Variants in SLC8A1 observed in about 807,000 individuals in gnomAD.
The protein encoded by SLC8A1 is solute carrier family 8 member A1, also known as sodium/calcium exchanger 1.
In SLC8A1, 18 loss-of-function variants were observed where a neutral mutation model predicts 68.3. The ratio of observed to expected loss-of-function variants is 0.26; its 90% confidence interval spans 0.18 to 0.39. The LOEUF (loss-of-function observed/expected upper bound fraction) is 0.39. Among genes scored for constraint, SLC8A1 ranks in the 10% least tolerant of loss-of-function variants. The pLI is 1.00. For missense variants in SLC8A1, 985 were observed against 1,156.7 expected (o/e 0.85, Z 2.15); for synonymous variants, 475 against 415.5 (o/e 1.14, Z -1.74).
exon 8 of SLC8A1, chr2:40,115,469 C>T (rs2035142395): frequency 6.2e-7 from 1 of 1,614,168 alleles, no homozygotes; most frequent in Non-Finnish European, 8.5e-7. Flanking sequence ...TGCCAGGGGA[C>T]ACTTTGAACT....
chr2:40,365,730 G>T (rs1400399173), intron 2 of SLC8A1, among the ~76,000 whole-genome samples: 1 of 152,040 alleles, frequency 6.6e-6, no homozygotes, highest in Non-Finnish European at 1.5e-5. Context: ...GCCAGGTGCA[G>T]TAGCGAGCAC....
In SLC8A1 at chr2:40,267,561, TA is replaced by T. The variant is rs1424212339; in HGVS notation, c.1809-89707del. On this transcript the variant is annotated intron_variant, in intron 2 of 7. Transcript: ENST00000406785. Reference sequence around the variant, plus strand: ...TTGTAAGCTTTGTGAAAGCAGGAAATATGTGTATTGACTGTCTATCCCAGCA... The same window carrying T: ...TTGTAAGCTTTGTGAAAGCAGGAAATTGTGTATTGACTGTCTATCCCAGCA... 2.0e-5 allele frequency among the ~76,000 whole-genome samples: 3 copies of T among 152,170 alleles called. No individual in the cohort carries two copies. The East Asian group carries it at 5.8e-4, about 29-fold the overall frequency.
At chr2:40,431,688 G>C (rs1032532657) in intron 1 of SLC8A1, among the ~76,000 whole-genome samples, 1 of 152,128 alleles carries the variant, frequency 6.6e-6, no homozygotes, top group African/African-American at 2.4e-5. Flanking sequence ...CCCTGAGTCA[G>C]AACATACCCT....
At chr2:40,464,396 T>C (rs979530295) in intron 1 of SLC8A1, among the ~76,000 whole-genome samples, 3 of 152,254 alleles carry the variant, frequency 2.0e-5, no homozygotes, top group Non-Finnish European at 2.9e-5. Flanking sequence ...TTCTCCATTG[T>C]GGCATATGAG....
chr2:40,198,687 G>A (rs1226794157), intron 2 of SLC8A1, among the ~76,000 whole-genome samples: 1 of 151,838 alleles, frequency 6.6e-6, no homozygotes, highest in East Asian at 1.9e-4. Flanking sequence ...TCAGTTGTTT[G>A]GAATGCATGG....
In SLC8A1 at chr2:40,236,066, T is replaced by C. The variant is rs563384638; in HGVS notation, c.1809-58211A>G. Among the ~76,000 whole-genome samples the C allele has an allele frequency of 1.3e-3, 198 of 152,164 alleles. 1 individual carries two copies. The highest frequency in any genetic ancestry group is 4.5e-3 in the African/African-American group (187 of 41,484). On this transcript the variant is annotated intron_variant, in intron 2 of 7. Transcript: ENST00000406785. ...AGGTGTGGTGTGGTGCTGAAAAAAA[T>C]GTATATTCTGTTGATTTGGGGTGGA...
At chr2:40,352,039 C>T (rs535385322) in intron 2 of SLC8A1, among the ~76,000 whole-genome samples, 3 of 152,240 alleles carry the variant, frequency 2.0e-5, no homozygotes, top group Admixed American at 6.5e-5. Context: ...AACCAATGGA[C>T]GTTGCTTAAG....
At chr2:40,220,535 G>A (rs957364907) in intron 2 of SLC8A1, 9 of 152,150 alleles carry the variant, frequency 5.9e-5, no homozygotes, top group African/African-American at 2.2e-4. Flanking sequence ...GTTGAATTTT[G>A]CAGTTTTTCT....
At chr2:40,280,054 A>G (rs1272224274) in intron 2 of SLC8A1, among the ~76,000 whole-genome samples, 1 of 152,178 alleles carries the variant, frequency 6.6e-6, no homozygotes, top group Non-Finnish European at 1.5e-5. Flanking sequence ...ACTGAATACC[A>G]TATTAAGGAG....
At chr2:40,266,874 G>A (rs571629414) in intron 2 of SLC8A1, among the ~76,000 whole-genome samples, 181 of 152,288 alleles carry the variant, frequency 1.2e-3, no homozygotes, top group Non-Finnish European at 2.3e-3. Context: ...TAACAGGCAT[G>A]ACTGGCTTAT....
intron 2 of SLC8A1, among the ~76,000 whole-genome samples, chr2:40,411,308 AC>A (rs1174953706): frequency 2.6e-5 from 4 of 152,070 alleles, no homozygotes; most frequent in Non-Finnish European, 4.4e-5. Context: ...ATTAGCAAAA[AC>A]CCTTAAAGTA....
chr2:40,397,957 T>TA (rs1311912620), intron 2 of SLC8A1, among the ~76,000 whole-genome samples: 11 of 152,206 alleles, frequency 7.2e-5, no homozygotes, highest in Non-Finnish European at 1.3e-4. Context: ...ACACTGAACT[T>TA]ACACATTAAA....
At chr2:40,474,212 A>G (rs1704150144) in intron 1 of SLC8A1, among the ~76,000 whole-genome samples, 1 of 152,146 alleles carries the variant, frequency 6.6e-6, no homozygotes, top group Non-Finnish European at 1.5e-5. Context: ...GGCTTGGGAA[A>G]CATCAGGAGA....
At chr2:40,303,946 A>C (rs2072062472) in intron 2 of SLC8A1, among the ~76,000 whole-genome samples, 1 of 152,204 alleles carries the variant, frequency 6.6e-6, no homozygotes, top group African/African-American at 2.4e-5. Context: ...TTTCAGAGCA[A>C]GTAAAATGTT....
chr2:40,240,558 A>C (rs947310163), intron 2 of SLC8A1, among the ~76,000 whole-genome samples: 6 of 152,236 alleles, frequency 3.9e-5, no homozygotes, highest in Admixed American at 6.5e-5. Context: ...CTGTCTCTCT[A>C]TTGTTCACAT....
chr2:40,441,203 G>A (rs1476802525), intron 1 of SLC8A1, among the ~76,000 whole-genome samples: 2 of 151,972 alleles, frequency 1.3e-5, no homozygotes, highest in Non-Finnish European at 2.9e-5. Flanking sequence ...TAAAATATTT[G>A]GGAACATAGC....
At chr2:40,126,800 A>T (rs963898809) in intron 7 of SLC8A1, among the ~76,000 whole-genome samples, 1 of 152,220 alleles carries the variant, frequency 6.6e-6, no homozygotes, top group East Asian at 1.9e-4. Flanking sequence ...GTGCTACCTG[A>T]AAGTTTATCA....
intron 1 of SLC8A1, among the ~76,000 whole-genome samples, chr2:40,492,241 G>A (rs1199217415): frequency 6.6e-6 from 1 of 152,078 alleles, no homozygotes; most frequent in African/African-American, 2.4e-5. Flanking sequence ...CAAGCAATGG[G>A]GAAAGGATTC....
chr2:40,380,107 T>C (rs1389644731), intron 2 of SLC8A1, among the ~76,000 whole-genome samples: 1 of 152,176 alleles, frequency 6.6e-6, no homozygotes, highest in Non-Finnish European at 1.5e-5. Context: ...CAGTGCTTTG[T>C]AGTTTACAAA....
Sources: gnomAD v4.1 joint callset for allele counts (sites outside exome capture counted in the v4.1 genomes callset) on GRCh38, gnomAD v4.1.1 for gene constraint, MANE v1.5 for transcripts, NCBI Gene and HGNC (gene_info 2026-07-23, HGNC 2026-07-21) for gene names.